The following INSC variants were observed in gnomAD, a reference collection of about 807,000 sequenced individuals.
The protein encoded by INSC is INSC spindle orientation adaptor protein.
A neutral mutation model predicts 58.6 loss-of-function variants in INSC; 67 were observed. The ratio of observed to expected loss-of-function variants is 1.14; its 90% CI spans 0.94 to 1.40. The LOEUF (loss-of-function observed/expected upper bound fraction) is 1.40, where lower values mean the gene tolerates loss of function less well. INSC is among the 40% of genes most tolerant of loss of function. The pLI is 0.00. For synonymous variants in INSC, 262 were observed against 276.1 expected (o/e 0.95, Z 0.51); for missense variants, 714 against 692.0 (o/e 1.03, Z -0.36).
At position 15,175,900 on chromosome 11, in the gene INSC, C is replaced by T. The variant is rs750085808; in HGVS notation, c.216C>T (p.Asp72=). The change falls in exon 3 of 13, where the codon GAC becomes GAT. Residue 72 remains aspartate (D), a synonymous_variant. Coordinates refer to ENST00000379556, the MANE Select transcript of INSC (RefSeq NM_001042536.3). ...LILAGGPGPG[D]PLQLLLKRGW... ...TGGCAGGTGGCCCTGGCCCTGGAGA[C>T]CCCCTGCAGCTGCTGCTCAAACGGG... The T allele has an allele frequency of 1.9e-6, 3 of 1,614,030 alleles. No homozygotes were observed. The highest frequency in any genetic ancestry group is 1.3e-5 in the African/African-American group (1 of 74,942).
At chr11:15,213,791 T>C (rs1851114699) in intron 7 of INSC, among the ~76,000 whole-genome samples, 1 of 152,224 alleles carries the variant, frequency 6.6e-6, no homozygotes, top group African/African-American at 2.4e-5. Context: ...TATTTTTCCA[T>C]TTAACTTTTA....
intron 9 of INSC, among the ~76,000 whole-genome samples, chr11:15,233,583 A>G (rs369431632): frequency 6.6e-6 from 1 of 152,178 alleles, no homozygotes; most frequent in South Asian, 2.1e-4. Context: ...CATTAACAGG[A>G]TCTAAATTAG....
chr11:15,132,445 T>C (rs759844468), intron 1 of INSC, among the ~76,000 whole-genome samples: 1 of 152,052 alleles, frequency 6.6e-6, no homozygotes, highest in Non-Finnish European at 1.5e-5. Context: ...GTCACTGCAC[T>C]CAGCTAACTT....
At chr11:15,188,430 C>G (rs1386463475) in intron 5 of INSC, 2 of 817,824 alleles carry the variant, frequency 2.4e-6, no homozygotes, top group African/African-American at 3.7e-5. Flanking sequence ...CTCCCAAGAC[C>G]ACATAGGTAA....
intron 2 of INSC, among the ~76,000 whole-genome samples, chr11:15,155,460 A>T (rs964248526): frequency 6.6e-6 from 1 of 152,208 alleles, no homozygotes; most frequent in Non-Finnish European, 1.5e-5. Flanking sequence ...GTAAATCTTT[A>T]TAGAGTGCCT....
chr11:15,199,211 C>T (rs543743608), intron 6 of INSC, among the ~76,000 whole-genome samples: 2 of 152,126 alleles, frequency 1.3e-5, no homozygotes, highest in Admixed American at 6.5e-5. Flanking sequence ...TTTGAATGCA[C>T]GAATGAATGT....
At chr11:15,267,139 T>G in the INSC span, among the ~76,000 whole-genome samples, 5 of 151,982 alleles carry the variant, frequency 3.3e-5, no homozygotes, top group Non-Finnish European at 4.4e-5. Context: ...AACAGTTTTT[T>G]TGTCCACCAT....
At chr11:15,161,054 T>C (rs1353637552) in intron 2 of INSC, among the ~76,000 whole-genome samples, 1 of 152,256 alleles carries the variant, frequency 6.6e-6, no homozygotes, top group Non-Finnish European at 1.5e-5. Flanking sequence ...ATAGTGTGCT[T>C]GGAACTATGC....
chr11:15,172,400 A>C (rs1050838258), intron 2 of INSC, among the ~76,000 whole-genome samples: 2 of 152,152 alleles, frequency 1.3e-5, no homozygotes, highest in Non-Finnish European at 2.9e-5. Context: ...ACACTTGGCC[A>C]CTCAACAATG....
intron 2 of INSC, among the ~76,000 whole-genome samples, chr11:15,174,599 C>T (rs921379194): frequency 2.6e-5 from 4 of 152,100 alleles, no homozygotes; most frequent in Admixed American, 1.3e-4. Context: ...GTAAGATCAG[C>T]GGCAGAAAGA....
intron 2 of INSC, among the ~76,000 whole-genome samples, chr11:15,156,636 A>G (rs1461488121): frequency 1.3e-5 from 2 of 152,194 alleles, no homozygotes; most frequent in African/African-American, 2.4e-5. Flanking sequence ...CACTATTAAC[A>G]ATGAGGTCTT....
chr11:15,112,580 A>G, upstream of INSC: 3 of 1,168,068 alleles, frequency 2.6e-6, no homozygotes, highest in Non-Finnish European at 3.5e-6. Context: ...GTATCTGGGA[A>G]GGTGGATGTG....
At chr11:15,230,666 A>C (rs1477774990) in intron 9 of INSC, among the ~76,000 whole-genome samples, 1 of 152,214 alleles carries the variant, frequency 6.6e-6, no homozygotes, top group East Asian at 1.9e-4. Context: ...ACCCTTCCCT[A>C]CAAAGCCAAG....
At chr11:15,210,153 C>T (rs1190886895) in intron 7 of INSC, among the ~76,000 whole-genome samples, 2 of 152,148 alleles carry the variant, frequency 1.3e-5, no homozygotes, top group Non-Finnish European at 2.9e-5. Context: ...TAAAGTTCAG[C>T]AGGCTTGATG....
intron 12 of INSC, among the ~76,000 whole-genome samples, chr11:15,241,228 T>C (rs565990748): frequency 7.2e-5 from 11 of 152,038 alleles, no homozygotes; most frequent in African/African-American, 2.4e-4. Context: ...CATTTAGGAG[T>C]AGGGAAGCCA....
At chr11:15,177,911 C>T (rs562117730) in intron 4 of INSC, among the ~76,000 whole-genome samples, 1 of 152,298 alleles carries the variant, frequency 6.6e-6, no homozygotes, top group East Asian at 1.9e-4. Flanking sequence ...TAAAGGGCCA[C>T]AGGCATTGCT....
intron 2 of INSC, among the ~76,000 whole-genome samples, chr11:15,151,336 T>C (rs1284361626): frequency 6.6e-6 from 1 of 152,138 alleles, no homozygotes; most frequent in Non-Finnish European, 1.5e-5. Context: ...TGTCTTCCAC[T>C]AAACCAGTCC....
At position 15,246,089 on chromosome 11, in the gene INSC, C is replaced by T. The variant is rs1852555206; in HGVS notation, c.*49C>T. ...TTGGCTGTTCTCACACCCCCTCTGA[C>T]TATGCACCAGTGAACACATCTGAGT... On this transcript the variant is annotated 3_prime_UTR_variant, in exon 13 of 13. Transcript: ENST00000379556. The T allele has an allele frequency of 1.2e-6, 2 of 1,608,694 alleles. No individual in the cohort carries two copies. Among genetic ancestry groups the T allele is most frequent in the African/African-American group, 2.7e-5 (2 of 74,808 alleles).
intron 1 of INSC, among the ~76,000 whole-genome samples, chr11:15,129,414 C>G (rs190832612): frequency 6.6e-6 from 1 of 152,062 alleles, no homozygotes; most frequent in Non-Finnish European, 1.5e-5. Flanking sequence ...TTGTCAAGTT[C>G]TAGAAAAAAA....
Sources: allele counts gnomAD v4.1 joint callset (sites outside exome capture counted in the v4.1 genomes callset), GRCh38; gene constraint gnomAD v4.1.1; transcripts MANE v1.5; gene names NCBI Gene and HGNC (gene_info 2026-07-23, HGNC 2026-07-21).